DYNLRB1: variants seen among roughly 807,000 people sequenced by gnomAD.
DYNLRB1 encodes dynein light chain roadblock-type 1, also known as ROBL/LC7-like 1.
DYNLRB1 carries 6 observed loss-of-function variants against 13.5 expected under a neutral mutation model. The observed-to-expected ratio is 0.44, with a 90% CI of 0.24 to 0.88. The LOEUF is 0.88. DYNLRB1 is among the 40% of genes least tolerant of loss of function. DYNLRB1 has a pLI of 0.21. For missense variants in DYNLRB1, 93 were observed against 127.2 expected, an observed-to-expected ratio of 0.73 and a Z score of 1.29; for synonymous variants, 43 against 45.0, an observed-to-expected ratio of 0.96 and a Z score of 0.18.
intron 3 of DYNLRB1, among the ~76,000 whole-genome samples, chr20:34,540,263 G>T (rs1981474203): frequency 6.6e-6 from 1 of 152,196 alleles, no homozygotes; most frequent in Non-Finnish European, 1.5e-5. Flanking sequence ...CTTTGAACTG[G>T]AGTCCCCCCA....
At chr20:34,532,278 A>T (rs2146642555) in intron 2 of DYNLRB1, among the ~76,000 whole-genome samples, 1 of 152,306 alleles carries the variant, frequency 6.6e-6, no homozygotes, top group South Asian at 2.1e-4. Context: ...CAGCACTTTG[A>T]AGCACAGATA....
chr20:34,530,348 A>G (rs894450297), intron 2 of DYNLRB1: 62 of 953,140 alleles, frequency 6.5e-5, no homozygotes, highest in African/African-American at 4.2e-4. Context: ...CTTATCAGCT[A>G]TGTGGTTTTG....
At chr20:34,535,924 A>G (rs375515129) in intron 3 of DYNLRB1, 5 of 985,220 alleles carry the variant, frequency 5.1e-6, no homozygotes, top group Non-Finnish European at 6.0e-6. Context: ...ACAGAGGGCA[A>G]GGAGGCTGGC....
intron 3 of DYNLRB1, chr20:34,536,484 C>G: frequency 2.0e-6 from 2 of 985,394 alleles, no homozygotes; most frequent in Non-Finnish European, 2.4e-6. Flanking sequence ...CAGTGGCTCA[C>G]GCCTGTAATC....
chr20:34,526,187 CGT>C, intron 1 of DYNLRB1, 79 bp from the exon 2 acceptor site: 1 of 1,469,834 alleles, frequency 6.8e-7, no homozygotes, highest in Non-Finnish European at 9.5e-7. Context: ...GGAAGACAAA[CGT>C]ATGATTCATC....
At chr20:34,516,723 C>T (rs932788351) in intron 1 of DYNLRB1, 5 of 1,538,634 alleles carry the variant, frequency 3.2e-6, no homozygotes. Flanking sequence ...AGATGATGGG[C>T]GAGGGGTGGG....
intron 2 of DYNLRB1, chr20:34,530,399 A>C (rs1349020724): frequency 1.7e-6 from 1 of 591,654 alleles, no homozygotes; most frequent in Non-Finnish European, 2.1e-6. Flanking sequence ...TCATTTGTAA[A>C]ATGTGGGTCA....
chr20:34,522,143 G>T (rs1014840328), intron 1 of DYNLRB1, among the ~76,000 whole-genome samples: 1 of 152,100 alleles, frequency 6.6e-6, no homozygotes, highest in African/African-American at 2.4e-5. Flanking sequence ...TTGCTCACTT[G>T]TTTAAGTCTC....
upstream of DYNLRB1, chr20:34,516,368 C>G: frequency 6.4e-7 from 1 of 1,572,190 alleles, no homozygotes; most frequent in Non-Finnish European, 8.7e-7. Context: ...GCAGCTAGAG[C>G]TGTCCGTTTT....
rs1176263598 is a variant in DYNLRB1 at position 34,528,039 on chromosome 20, G to A, written c.79+1696G>A. ...ACCCTACTGGAGTAGCCGGCCGGGC[G>A]CGGTGGCTCACGCCTGTAATCCCAG... is the stretch of plus-strand genomic sequence containing the variant. On this transcript the variant is annotated intron_variant, in intron 2 of 3. Coordinates refer to ENST00000357156, the MANE Select transcript of DYNLRB1 (RefSeq NM_014183.4). 2.5e-4 allele frequency among the ~76,000 whole-genome samples: 10 copies of A among 39,504 alleles called. 2 individuals are homozygous for A. In the East Asian group the frequency reaches 2.6e-3, roughly 10 times the overall value. The allele number at this position is 39,504 out of a possible 152,430, so 25.9% of individuals were successfully genotyped here.
chr20:34,529,924 G>A (rs997930361), intron 2 of DYNLRB1: 1 of 1,473,410 alleles, frequency 6.8e-7, no homozygotes, highest in South Asian at 1.3e-5. Flanking sequence ...TGATCAGTTG[G>A]GTGGCCTGAG....
intron 3 of DYNLRB1, 128 bp downstream of exon 3, chr20:34,534,923 G>C: frequency 6.5e-7 from 1 of 1,535,552 alleles, no homozygotes; most frequent in Non-Finnish European, 8.8e-7. Flanking sequence ...GAAGGAATTG[G>C]GTTGTTGCCT....
chr20:34,516,869 T>C (rs750258993), intron 1 of DYNLRB1: 26 of 1,528,636 alleles, frequency 1.7e-5, no homozygotes, highest in Non-Finnish European at 8.8e-7. Flanking sequence ...TCCTCCCAGC[T>C]CTGTGAGGTA....
intron 3 of DYNLRB1, among the ~76,000 whole-genome samples, chr20:34,538,753 TG>T (rs1331151840): frequency 1.3e-5 from 2 of 152,198 alleles, no homozygotes; most frequent in African/African-American, 2.4e-5. Flanking sequence ...CCCATCTTCG[TG>T]GGAAGAACCA....
chr20:34,517,243 C>T lies in DYNLRB1; in HGVS notation c.3+782C>T, dbSNP rs570977402. The stretch of plus-strand genomic sequence containing the variant: ...AAAAATCTTATTTAGAAATCTAGAG[C>T]TTGTAATAAAAAAATTGAAAAAAGA... On this transcript the variant is annotated intron_variant, in intron 1 of 3. Coordinates refer to ENST00000357156, the MANE Select transcript of DYNLRB1 (RefSeq NM_014183.4). 1.1e-4 allele frequency among the ~76,000 whole-genome samples: 17 copies of T among 152,114 alleles called. 1 individual carries two copies. The highest frequency in any genetic ancestry group is 3.9e-4 in the African/African-American group (16 of 41,418).
intron 2 of DYNLRB1, among the ~76,000 whole-genome samples, chr20:34,529,284 C>T (rs560303436): frequency 6.6e-6 from 1 of 152,364 alleles, no homozygotes; most frequent in African/African-American, 2.4e-5. Context: ...ATTCAGTGGG[C>T]TCTAATTTGT....
intron 2 of DYNLRB1, among the ~76,000 whole-genome samples, chr20:34,528,846 C>T (rs73259125): frequency 0.02 from 2,972 of 152,130 alleles, 92 homozygotes; most frequent in African/African-American, 0.059. Context: ...TGGTGGCACA[C>T]GCCTGTAGTC....
intron 1 of DYNLRB1, among the ~76,000 whole-genome samples, chr20:34,524,076 T>C (rs1339993394): frequency 6.6e-6 from 1 of 152,220 alleles, no homozygotes; most frequent in East Asian, 1.9e-4. Flanking sequence ...GTGGCCCCTG[T>C]ATCATAGACT....
intron 1 of DYNLRB1, among the ~76,000 whole-genome samples, chr20:34,518,242 C>G (rs568928077): frequency 2.6e-5 from 4 of 152,018 alleles, no homozygotes; most frequent in African/African-American, 9.7e-5. Context: ...ATACCAATAC[C>G]ATGCTCTTTT....
Sources: allele counts gnomAD v4.1 joint callset (sites outside exome capture counted in the v4.1 genomes callset), GRCh38; gene constraint gnomAD v4.1.1; transcripts MANE v1.5; gene names NCBI Gene and HGNC (gene_info 2026-07-23, HGNC 2026-07-21).